Variants in SNTB2 observed in about 807,000 individuals in gnomAD.
SNTB2 encodes the protein beta-2-syntrophin.
In SNTB2, 34 loss-of-function variants were observed where a neutral mutation model predicts 46.2. The observed-to-expected ratio is 0.74, with a 90% CI of 0.56 to 0.98. SNTB2 has a LOEUF of 0.98. Among genes scored for constraint, SNTB2 ranks in the 50% least tolerant of loss-of-function variants. The pLI is 0.00. For synonymous variants in SNTB2, 290 were observed against 312.6 expected (o/e 0.93, Z 0.76); for missense variants, 603 against 731.4 (o/e 0.82, Z 2.02).
intron 1 of SNTB2, among the ~76,000 whole-genome samples, chr16:69,208,489 C>T (rs1964246746): frequency 6.6e-6 from 1 of 151,376 alleles, no homozygotes; most frequent in Non-Finnish European, 1.5e-5. Context: ...CTTTTATGAG[C>T]TTAAACCATT....
In SNTB2 at chr16:69,187,176, G is replaced by C; in HGVS notation, c.10G>C (p.Ala4Pro). MRV[A>P]AATAAAGAGP... ...AGGCTGCCTGACTGGAATGAGGGTA[G>C]CTGCGGCGACTGCGGCGGCTGGAGC... The change falls in exon 1 of 7, where the codon GCT becomes CCT. Residue 4 changes from alanine to proline, a missense_variant. This residue lies in a region of SNTB2 where 66 missense variants were observed against 39.0 expected (regional missense o/e 1.69). Coordinates refer to ENST00000336278, the MANE Select transcript of SNTB2 (RefSeq NM_006750.4). 1.5e-6 allele frequency: 2 copies of C among 1,373,248 alleles called. No individual in the cohort carries two copies. Among genetic ancestry groups the C allele is most frequent in the Non-Finnish European group, 1.9e-6 (2 of 1,060,682 alleles). 85.1% of individuals were successfully genotyped at this position (1,373,248 alleles called of 1,614,324 possible).
At position 69,187,202 on chromosome 16, in the gene SNTB2, G is replaced by T. The variant is rs749746450; in HGVS notation, c.36G>T (p.Ala12=). 3.6e-6 allele frequency: 5 copies of T among 1,401,716 alleles called. No individual in the cohort carries two copies. The highest frequency in any genetic ancestry group is 4.6e-6 in the Non-Finnish European group (5 of 1,076,962). The allele number at this position is 1,401,716 out of a possible 1,614,324, so 86.8% of individuals were successfully genotyped here. A position where few individuals can be genotyped will look rare whatever the true frequency, so the allele number is the denominator to read the frequency against. The change falls in exon 1 of 7, where the codon GCG becomes GCT. Residue 12 remains alanine, a synonymous_variant. Transcript: ENST00000336278. The stretch of plus-strand genomic sequence containing the variant: ...CTGCGGCGACTGCGGCGGCTGGAGC[G>T]GGGCCGGCCATGGCGGTGTGGACGC... ...RVAAATAAAG[A]GPAMAVWTRA...
chr16:69,187,997 C>G (rs946153735), intron 1 of SNTB2, among the ~76,000 whole-genome samples: 1 of 152,176 alleles, frequency 6.6e-6, no homozygotes, highest in African/African-American at 2.4e-5. Context: ...GCCTATGAAG[C>G]CCCACCTCGG....
In SNTB2 at chr16:69,284,079, C is replaced by T; in HGVS notation, c.1180C>T (p.Pro394Ser). Residue 394 changes from proline to serine, a missense_variant, in exon 5 of 7, where the codon CCC becomes TCC. Transcript: ENST00000336278. ...TCATTCTGGCTCCGGATGTCGATCC[C>T]CCTCCCTTGGATCTGACCTTACATT... ...LVHSGSGCRS[P>S]SLGSDLTFAT... 2 of 1,613,310 alleles carry T rather than the reference C, an allele frequency of 1.2e-6. No homozygotes were observed. Among genetic ancestry groups the T allele is most frequent in the South Asian group, 2.2e-5 (2 of 90,986 alleles).
intron 5 of SNTB2, among the ~76,000 whole-genome samples, chr16:69,288,797 A>C (rs1025533198): frequency 6.6e-6 from 1 of 152,230 alleles, no homozygotes; most frequent in Admixed American, 6.5e-5. Context: ...CTAAGTGTCC[A>C]TCAGCAGACA....
rs1195609687 is a variant in SNTB2 at position 69,301,917 on chromosome 16, A to AG, written c.*995dup. 7.2e-5 allele frequency: 11 copies of AG among 152,550 alleles called. No individual in the cohort carries two copies. Among genetic ancestry groups the AG allele is most frequent in the African/African-American group, 2.4e-4 (10 of 41,442 alleles). 9.4% of individuals were successfully genotyped at this position (152,550 alleles called of 1,614,324 possible). The stretch of plus-strand genomic sequence containing the variant: ...TTTCCTTAATGGCATCTCTTCTAGT[A>AG]GGCAGATCTGTTTGAACAAGATAAA... On this transcript the variant is annotated 3_prime_UTR_variant, in exon 7 of 7. Coordinates refer to ENST00000336278, the MANE Select transcript of SNTB2 (RefSeq NM_006750.4).
chr16:69,202,043 G>A (rs189311098), intron 1 of SNTB2, among the ~76,000 whole-genome samples: 2 of 152,198 alleles, frequency 1.3e-5, no homozygotes, highest in Admixed American at 6.5e-5. Flanking sequence ...TATAATTTCA[G>A]CCATTACCTG....
chr16:69,255,559 T>G (rs1964765295), intron 2 of SNTB2, among the ~76,000 whole-genome samples: 1 of 125,860 alleles, frequency 7.9e-6, no homozygotes, highest in African/African-American at 3.1e-5. Context: ...GACTCCGTCT[T>G]AAAAAAAAAA....
At chr16:69,285,900 C>A (rs1965098228) in intron 5 of SNTB2, among the ~76,000 whole-genome samples, 1 of 152,142 alleles carries the variant, frequency 6.6e-6, no homozygotes, top group Non-Finnish European at 1.5e-5. Context: ...ACAAGCTATT[C>A]TCCCACCTCA....
At chr16:69,242,631 G>A (rs1038144307) in intron 1 of SNTB2, among the ~76,000 whole-genome samples, 7 of 152,130 alleles carry the variant, frequency 4.6e-5, no homozygotes, top group Non-Finnish European at 8.8e-5. Flanking sequence ...AGGTACATGT[G>A]TGCAGTACAT....
chr16:69,298,941 T>C (rs1194687862), intron 5 of SNTB2, among the ~76,000 whole-genome samples: 1 of 152,160 alleles, frequency 6.6e-6, no homozygotes, highest in Non-Finnish European at 1.5e-5. Context: ...CCTTACACAA[T>C]TGGGGATTTC....
At chr16:69,279,514 C>CTTTTTTTTTTTTTT (rs1390120912) in intron 4 of SNTB2, among the ~76,000 whole-genome samples, 1 of 103,454 alleles carries the variant, frequency 9.7e-6, no homozygotes, top group African/African-American at 3.9e-5. Flanking sequence ...GGTCCTTTGC[C>CTTTTTTTTTTTTTT]CTTTTTTTTT....
Position 69,187,224 on chromosome 16 carries a change from A to G in SNTB2, c.58A>G (p.Thr20Ala), listed in dbSNP as rs1963996826. The G allele has an allele frequency of 1.4e-6, 2 of 1,445,740 alleles. No homozygotes were observed. Among genetic ancestry groups the G allele is most frequent in the Admixed American group, 2.7e-5 (1 of 37,468 alleles). The allele number at this position is 1,445,740 out of a possible 1,614,324, so 89.6% of individuals were successfully genotyped here. A position where few individuals can be genotyped will look rare whatever the true frequency, so the allele number is the denominator to read the frequency against. The part of the protein sequence containing the change: ...AGAGPAMAVW[T>A]RATKAGLVEL... Reference sequence around the variant, plus strand: ...AGCGGGGCCGGCCATGGCGGTGTGGACGCGGGCCACCAAAGCGGGGCTGGT... The same window carrying G: ...AGCGGGGCCGGCCATGGCGGTGTGGGCGCGGGCCACCAAAGCGGGGCTGGT... Residue 20 changes from threonine to alanine, a missense_variant, in exon 1 of 7, where the codon ACG becomes GCG. Coordinates refer to ENST00000336278, the MANE Select transcript of SNTB2 (RefSeq NM_006750.4).
intron 4 of SNTB2, among the ~76,000 whole-genome samples, chr16:69,279,936 A>G (rs1477663469): frequency 6.6e-6 from 1 of 151,908 alleles, no homozygotes; most frequent in Non-Finnish European, 1.5e-5. Context: ...TCATAGGACA[A>G]TAGTGGAGGG....
chr16:69,212,310 G>C (rs961575788), intron 1 of SNTB2, among the ~76,000 whole-genome samples: 1 of 151,702 alleles, frequency 6.6e-6, no homozygotes, highest in African/African-American at 2.4e-5. Flanking sequence ...CTTCAAAGTT[G>C]AGCATGCCTT....
chr16:69,261,043 G>C (rs550657299), intron 3 of SNTB2, among the ~76,000 whole-genome samples: 13 of 151,938 alleles, frequency 8.6e-5, no homozygotes, highest in Non-Finnish European at 1.5e-4. Context: ...AACTAGGCTA[G>C]AGGGGCTTGA....
intron 1 of SNTB2, among the ~76,000 whole-genome samples, chr16:69,228,913 A>G (rs1316848166): frequency 6.6e-6 from 1 of 152,116 alleles, no homozygotes; most frequent in East Asian, 1.9e-4. Context: ...TAATATCAAG[A>G]CTTGAGCTGA....
intron 2 of SNTB2, among the ~76,000 whole-genome samples, chr16:69,257,887 T>C (rs1189199129): frequency 6.6e-6 from 1 of 152,250 alleles, no homozygotes; most frequent in African/African-American, 2.4e-5. Context: ...TTCATCACTG[T>C]ATCTCCAATA....
At chr16:69,291,106 T>C (rs970128020) in intron 5 of SNTB2, among the ~76,000 whole-genome samples, 1 of 152,230 alleles carries the variant, frequency 6.6e-6, no homozygotes, top group Non-Finnish European at 1.5e-5. Context: ...CTGGGCATGA[T>C]GAACCTGTTG....
Sources: gnomAD v4.1 joint callset for allele counts (sites outside exome capture counted in the v4.1 genomes callset) on GRCh38, gnomAD v4.1.1 for gene constraint, gnomAD v4.1.1 regional missense constraint, MANE v1.5 for transcripts, NCBI Gene and HGNC (gene_info 2026-07-23, HGNC 2026-07-21) for gene names.